Variants in DNAH10 observed in about 807,000 individuals in gnomAD.
DNAH10 encodes dynein axonemal heavy chain 10.
A neutral mutation model predicts 506.6 loss-of-function variants in DNAH10; 348 were observed. The ratio of observed to expected loss-of-function variants is 0.69; its 90% CI spans 0.63 to 0.75. The LOEUF (loss-of-function observed/expected upper bound fraction) is 0.75. Among genes scored for constraint, DNAH10 ranks in the 30% least tolerant of loss-of-function variants. The pLI is 0.00. For missense variants in DNAH10, 5,179 were observed against 5,787.1 expected (o/e 0.89, Z 3.41); for synonymous variants, 2,059 against 2,198.6 (o/e 0.94, Z 1.78).
chr12:123,925,190 A>G lies in DNAH10; in HGVS notation c.11907A>G (p.Val3969=). The change falls in exon 68 of 79, where the codon GTA becomes GTG. Residue 3969 remains valine, a synonymous_variant. Coordinates refer to ENST00000673944, the MANE Select transcript of DNAH10 (RefSeq NM_001372106.1). This position sits in a 1 kb window ranked among gnomAD's most constrained non-coding sequence, Gnocchi z 4.0. ...VYRAVTDYVT[V]TMGEKYVQPP... ...GGGCCGTGACTGACTATGTGACTGT[A>G]ACAATGGGAGAGAAGTAAGTGTGTC... 6.2e-7 allele frequency: 1 copy of G among 1,613,988 alleles called. No individual in the cohort carries two copies. The highest frequency in any genetic ancestry group is 8.5e-7 in the Non-Finnish European group (1 of 1,179,882).
chr12:123,905,715 G>A (rs889868322), intron 57 of DNAH10, among the ~76,000 whole-genome samples: 1 of 151,698 alleles, frequency 6.6e-6, no homozygotes, highest in Non-Finnish European at 1.5e-5. Flanking sequence ...CTATTGGGTC[G>A]TGGTTATTGT....
intron 48 of DNAH10, 130 bp from the exon 49 acceptor site, chr12:123,879,134 G>C (rs994936818): frequency 2.9e-5 from 20 of 695,082 alleles, no homozygotes; most frequent in Middle Eastern, 4.0e-4. Context: ...GTGAGACTAG[G>C]GGGGCACGAC....
chr12:123,801,583 T>C, intron 16 of DNAH10, 151 bp downstream of exon 16: 1 of 954,090 alleles, frequency 1.0e-6, no homozygotes, highest in Non-Finnish European at 1.5e-6. Context: ...AACTTAGAAC[T>C]GATCTCCAGG....
chr12:123,876,077 C>G (rs1952243688), intron 47 of DNAH10, among the ~76,000 whole-genome samples: 1 of 152,242 alleles, frequency 6.6e-6, no homozygotes. Context: ...CAACCATCTT[C>G]TGATCTGGCG....
intron 18 of DNAH10, 37 bp downstream of exon 18, chr12:123,805,077 T>C (rs780313574): frequency 1.2e-6 from 2 of 1,604,776 alleles, no homozygotes; most frequent in South Asian, 2.2e-5. Flanking sequence ...AAATGGTGTG[T>C]GTAGATTAAA....
Position 123,924,436 on chromosome 12 carries a change from A to G in DNAH10, c.11766+4A>G, listed in dbSNP as rs1317057276. On this transcript the variant is annotated splice_donor_region_variant and intron_variant, in intron 67 of 78. Transcript: ENST00000673944. ...TAATCAGACTGTCTGGCAGGAGGTG[A>G]GCCCACGTTCCCTTTCTCCTCCTCT... 20 of 1,609,714 alleles carry G rather than the reference A, an allele frequency of 1.2e-5. No individual in the cohort carries two copies. The highest frequency in any genetic ancestry group is 1.7e-5 in the Non-Finnish European group (20 of 1,176,618).
At chr12:123,847,597 C>G (rs544129175) in intron 32 of DNAH10, among the ~76,000 whole-genome samples, 26 of 152,204 alleles carry the variant, frequency 1.7e-4, no homozygotes, top group Non-Finnish European at 3.2e-4. Flanking sequence ...TGTAACCTCC[C>G]TCCATCCTTC....
In DNAH10 at chr12:123,877,894, C is replaced by T; in HGVS notation, c.8358C>T (p.Leu2786=). ...DLSRVFNGLV[L]TNPERFQTVA... ...CACGGGTTTTTAATGGTCTTGTCCT[C>T]ACTAACCCGGAGCGGTGAGTTTGAT... The change falls in exon 48 of 79, where the codon CTC becomes CTT. Residue 2786 remains leucine, a synonymous_variant. Transcript: ENST00000673944. 6.2e-7 allele frequency: 1 copy of T among 1,613,532 alleles called. No individual in the cohort carries two copies. The highest frequency in any genetic ancestry group is 8.5e-7 in the Non-Finnish European group (1 of 1,179,762).
At position 123,838,470 on chromosome 12, in the gene DNAH10, C is replaced by T. The variant is rs779842048; in HGVS notation, c.4917C>T (p.Thr1639=). The T allele has an allele frequency of 1.2e-6, 2 of 1,613,520 alleles. No homozygotes were observed. The highest frequency in any genetic ancestry group is 2.7e-5 in the African/African-American group (2 of 74,870). ...TTCTGGTCCAGATCATGGGTGAGAC[C>T]TTAAAAGACCCCGTGATCAAGAGGT... ...DKVFKRIMGE[T]LKDPVIKRCC... is the part of the protein sequence containing the mutation. Residue 1639 remains threonine (T), a synonymous_variant, in exon 29 of 79, where the codon ACC becomes ACT. Coordinates refer to ENST00000673944, the MANE Select transcript of DNAH10 (RefSeq NM_001372106.1).
intron 52 of DNAH10, among the ~76,000 whole-genome samples, chr12:123,890,268 TTTAA>T (rs149868900): frequency 0.017 from 2,651 of 152,202 alleles, 81 homozygotes; most frequent in African/African-American, 0.06. Flanking sequence ...ATTTTTTAGA[TTTAA>T]TTAATTAATT....
intron 1 of DNAH10, among the ~76,000 whole-genome samples, chr12:123,765,561 A>AG (rs368852149): frequency 1.0e-5 from 1 of 95,754 alleles, no homozygotes; most frequent in Non-Finnish European, 2.4e-5. Flanking sequence ...ATCTATCTAT[A>AG]CTTTATCTAT....
rs1429527974 is a variant in DNAH10 at position 123,907,669 on chromosome 12, G to A, written c.9816-1592G>A. 6.6e-6 allele frequency among the ~76,000 whole-genome samples: 1 copy of A among 152,192 alleles called. No homozygotes were observed. Among genetic ancestry groups the A allele is most frequent in the Non-Finnish European group, 1.5e-5 (1 of 68,030 alleles). ...GGTTCCTAACTTGCCCAAGGGCTCA[G>A]GACCCCGCCGCAGGCCTGGGCTCCT... On this transcript the variant is annotated intron_variant, in intron 57 of 78. Coordinates refer to ENST00000673944, the MANE Select transcript of DNAH10 (RefSeq NM_001372106.1). The surrounding 1 kb of genome is among the most constrained non-coding windows in gnomAD (Gnocchi z 4.4).
chr12:123,870,284 A>G (rs1403999191), intron 43 of DNAH10, 82 bp from the exon 44 acceptor site: 1 of 1,529,452 alleles, frequency 6.5e-7, no homozygotes. Flanking sequence ...AAGCAACATT[A>G]GTTCATTTCA....
chr12:123,828,191 A>C (rs1035674304), intron 25 of DNAH10, among the ~76,000 whole-genome samples: 4 of 152,064 alleles, frequency 2.6e-5, no homozygotes, highest in Non-Finnish European at 5.9e-5. Flanking sequence ...TAAAAAAAAA[A>C]AAACTAGCTC....
Position 123,785,262 on chromosome 12 carries a change from A to T in DNAH10, c.1231-484A>T, listed in dbSNP as rs1957805019. Among the ~76,000 whole-genome samples, 1 of 152,192 alleles carries T rather than the reference A, an allele frequency of 6.6e-6. No individual in the cohort carries two copies. Among genetic ancestry groups the T allele is most frequent in the Non-Finnish European group, 1.5e-5 (1 of 68,030 alleles). On this transcript the variant is annotated intron_variant, in intron 8 of 78. Coordinates refer to ENST00000673944, the MANE Select transcript of DNAH10 (RefSeq NM_001372106.1). This position sits in a 1 kb window ranked among gnomAD's most constrained non-coding sequence, Gnocchi z 4.1. ...ACCACCACTTGTTATCGTCTTTCTG[A>T]TAATAGCCATTGTGGTTTAATTTGC...
rs35228838 is a variant in DNAH10, at chr12:123,928,978, G to GTCTC, written c.12307-283_12307-280dup. 2.4e-4 allele frequency: 111 copies of GTCTC among 468,406 alleles called. No homozygotes were observed. The highest frequency in any genetic ancestry group is 2.3e-3 in the Middle Eastern group (4 of 1,770). 29.0% of individuals were successfully genotyped at this position (468,406 alleles called of 1,614,324 possible). A position where few individuals can be genotyped will look rare whatever the true frequency, so the allele number is the denominator to read the frequency against. On this transcript the variant is annotated intron_variant, in intron 70 of 78. Transcript: ENST00000673944. The surrounding 1 kb of genome is among the most constrained non-coding windows in gnomAD (Gnocchi z 4.9). ...TTTTGGAAAGGTTTTGTCATTCTCT[G>GTCTC]TCTCTCTCTCTCTCTCTGGGGAGGT...
At chr12:123,911,171 CAA>C (rs375061139) in intron 59 of DNAH10, among the ~76,000 whole-genome samples, 4 of 111,006 alleles carry the variant, frequency 3.6e-5, no homozygotes, top group Admixed American at 1.8e-4. Flanking sequence ...GACCCTGTCT[CAA>C]AAAAAAAAAA....
In DNAH10 at chr12:123,846,179, G is replaced by C. The variant is rs76151644; in HGVS notation, c.5814+25G>C. 1 of 1,602,186 alleles carries C rather than the reference G, an allele frequency of 6.2e-7. No individual in the cohort carries two copies. On this transcript the variant is annotated intron_variant, in intron 32 of 78. Coordinates refer to ENST00000673944, the MANE Select transcript of DNAH10 (RefSeq NM_001372106.1). This position sits in a 1 kb window ranked among gnomAD's most constrained non-coding sequence, Gnocchi z 4.5. ...GGTGACTGCCAGCCTGGCACTTGTG[G>C]TTACCACTTACCTTGGGGCGGGGCA...
chr12:123,850,468 T>C lies in DNAH10; in HGVS notation c.6103-420T>C, dbSNP rs1224434824. 6.6e-6 allele frequency among the ~76,000 whole-genome samples: 1 copy of C among 152,146 alleles called. No homozygotes were observed. The highest frequency in any genetic ancestry group is 1.5e-5 in the Non-Finnish European group (1 of 68,016). ...GCCGGCGCTGTGTGAGGTGGTGGGCTGGGCGCTCCCAACCTGGGCTGTCTC... is the reference window on the plus strand; with the variant it reads ...GCCGGCGCTGTGTGAGGTGGTGGGCCGGGCGCTCCCAACCTGGGCTGTCTC... On this transcript the variant is annotated intron_variant, in intron 34 of 78. Coordinates refer to ENST00000673944, the MANE Select transcript of DNAH10 (RefSeq NM_001372106.1). The surrounding 1 kb of genome is among the most constrained non-coding windows in gnomAD (Gnocchi z 5.5).
Sources: allele counts gnomAD v4.1 joint callset (sites outside exome capture counted in the v4.1 genomes callset), GRCh38; gene constraint gnomAD v4.1.1; non-coding constraint Gnocchi (gnomAD v3.1); transcripts MANE v1.5; gene names NCBI Gene and HGNC (gene_info 2026-07-23, HGNC 2026-07-21).